IGSF22: variants seen among roughly 807,000 people sequenced by gnomAD.
The protein encoded by IGSF22 is immunoglobulin superfamily member 22, also known as immunoglobulin superfamily, member 22.
A neutral mutation model predicts 127.0 loss-of-function variants in IGSF22; 119 were observed. That is an observed-to-expected ratio of 0.94 (90% confidence interval 0.81 to 1.09). IGSF22 has a LOEUF of 1.09. Among genes scored for constraint, IGSF22 ranks in the 50% least tolerant of loss-of-function variants. IGSF22 has a pLI of 0.00. For missense variants in IGSF22, 1,518 were observed against 1,716.6 expected, an observed-to-expected ratio of 0.88 and a Z score of 2.04; for synonymous variants, 568 against 664.7, an observed-to-expected ratio of 0.85 and a Z score of 2.24.
At chr11:18,719,945 G>C (rs572742246) in intron 6 of IGSF22, 52 bp from the exon 7 acceptor site, 1 of 1,611,694 alleles carries the variant, frequency 6.2e-7, no homozygotes, top group South Asian at 1.1e-5. Context: ...CTCCAACCTT[G>C]AGAAACCCCT....
chr11:18,705,903 C>T lies in IGSF22; in HGVS notation c.3824G>A (p.Cys1275Tyr). 2 of 1,551,700 alleles carry T rather than the reference C, an allele frequency of 1.3e-6. No homozygotes were observed. The highest frequency in any genetic ancestry group is 1.7e-6 in the Non-Finnish European group (2 of 1,146,980). The change falls in exon 22 of 23, where the codon TGC becomes TAC. Residue 1275 changes from cysteine (C) to tyrosine (Y), a missense_variant. Cys to Tyr is a radical substitution (Grantham distance 194, BLOSUM62 -2). Around this residue, in one of 3 missense-constraint regions of IGSF22, gnomAD observed 4 missense variants for 18.8 expected, o/e 0.21. Coordinates refer to ENST00000513874, the MANE Select transcript of IGSF22 (RefSeq NM_173588.4). ...SGVCTLVIPTCTLKDSGDYSV... is the reference protein window; with the variant it reads ...SGVCTLVIPTYTLKDSGDYSV... ...GTAATCGCCGCTGTCCTTGAGCGTG[C>T]AGGTGGGGATGACGAGGGTGCACAC...
chr11:18,720,557 G>T (rs920764272), intron 4 of IGSF22, among the ~76,000 whole-genome samples: 1 of 152,194 alleles, frequency 6.6e-6, no homozygotes, highest in Non-Finnish European at 1.5e-5. Context: ...AGAAGGCAGG[G>T]CTTCCCCTGC....
At position 18,709,283 on chromosome 11, in the gene IGSF22, A is replaced by G. The variant is rs1848305542; in HGVS notation, c.2998+104T>C. ...CACAACAACTATGGATGACTTTTTC[A>G]TGATCCTAGCATCATCCAATTTTCC... is the stretch of plus-strand genomic sequence containing the variant. On this transcript the variant is annotated intron_variant, in intron 18 of 22. Transcript: ENST00000513874. The surrounding 1 kb of genome is among the most constrained non-coding windows in gnomAD (Gnocchi z 4.8). 3.2e-6 allele frequency: 4 copies of G among 1,247,012 alleles called. No homozygotes were observed. The highest frequency in any genetic ancestry group is 3.3e-6 in the Non-Finnish European group (3 of 898,230). The allele number at this position is 1,247,012 out of a possible 1,614,324, so 77.2% of individuals were successfully genotyped here.
intron 21 of IGSF22, 190 bp downstream of exon 21, chr11:18,706,724 T>C: frequency 1.9e-6 from 1 of 530,538 alleles, no homozygotes; most frequent in Non-Finnish European, 3.2e-6. Context: ...CCACCTCCAC[T>C]TTAGTCTCAC....
At chr11:18,715,346 G>T in intron 11 of IGSF22, 86 bp downstream of exon 11, 1 of 1,405,678 alleles carries the variant, frequency 7.1e-7, no homozygotes, top group Non-Finnish European at 9.8e-7. Context: ...GTTGGAGTTA[G>T]TGGGAGGGGG....
Position 18,714,500 on chromosome 11 carries a change from C to G in IGSF22, c.1656G>C (p.Glu552Asp). 1 of 1,614,182 alleles carries G rather than the reference C, an allele frequency of 6.2e-7. No homozygotes were observed. The highest frequency in any genetic ancestry group is 1.1e-5 in the South Asian group (1 of 91,080). Residue 552 changes from glutamate to aspartate, a missense_variant and splice_region_variant, in exon 12 of 23, where the codon GAG becomes GAC. Glu to Asp is a conservative substitution (Grantham distance 45). Coordinates refer to ENST00000513874, the MANE Select transcript of IGSF22 (RefSeq NM_173588.4). ...CCCTTCCCTGGCCTCTGCTTCAGAC[C>G]TCCTTGCCATCCTTCAGCCACACAC... The part of the protein sequence containing the change: ...VEGVWLKDGK[E>D]ITDLPGMQIV...
chr11:18,721,417 C>T (rs1848569321), intron 4 of IGSF22, 118 bp downstream of exon 4: 1 of 1,361,986 alleles, frequency 7.3e-7, no homozygotes, highest in Non-Finnish European at 1.0e-6. Context: ...CTGCTTTTCC[C>T]ACTGCCCGGC....
Position 18,718,687 on chromosome 11 carries a change from C to T in IGSF22, c.738G>A (p.Lys246=), listed in dbSNP as rs767006796. The change falls in exon 8 of 23, where the codon AAG becomes AAA. Residue 246 remains lysine, a synonymous_variant. Transcript: ENST00000513874. ...AGTCAAAGACCACTGTGGTGTCAACCTTGGTCTCTTTGTCTTCCAGGGGCT... is the reference window on the plus strand; with the variant it reads ...AGTCAAAGACCACTGTGGTGTCAACTTTGGTCTCTTTGTCTTCCAGGGGCT... The part of the protein sequence containing the change: ...ILKPLEDKET[K]VDTTVVFDCI... 1.9e-6 allele frequency: 3 copies of T among 1,613,438 alleles called. No individual in the cohort carries two copies. In the African/African-American group the frequency reaches 4.0e-5, roughly 22 times the overall value.
Position 18,706,013 on chromosome 11 carries a change from C to T in IGSF22, c.3714G>A (p.Gly1238=). Residue 1238 remains glycine, a synonymous_variant, in exon 22 of 23, where the codon GGG becomes GGA. Coordinates refer to ENST00000513874, the MANE Select transcript of IGSF22 (RefSeq NM_173588.4). ...AGAGGGTCACTGTGGGCCGCGGGTT[C>T]CCAAGGAAGGCGCAGGTCATGGTGC... ...QDCTMTCAFL[G]NPRPTVTLYK... 1 of 1,551,670 alleles carries T rather than the reference C, an allele frequency of 6.4e-7. No individual in the cohort carries two copies. The highest frequency in any genetic ancestry group is 8.7e-7 in the Non-Finnish European group (1 of 1,146,980).
intron 1 of IGSF22, 66 bp downstream of exon 1, chr11:18,726,008 T>G (rs1848646340): frequency 6.6e-6 from 1 of 152,392 alleles, no homozygotes; most frequent in African/African-American, 2.4e-5. Context: ...CTCTACCCTA[T>G]AGTCCCCTCT....
At position 18,719,880 on chromosome 11, in the gene IGSF22, G is replaced by A. The variant is rs566469505; in HGVS notation, c.532C>T (p.Pro178Ser). Residue 178 changes from proline (P) to serine (S), a missense_variant, in exon 7 of 23, where the codon CCC becomes TCC. By Grantham distance (74) the Pro-to-Ser change is moderately conservative. Coordinates refer to ENST00000513874, the MANE Select transcript of IGSF22 (RefSeq NM_173588.4). ...GCCACCTTCTTCTGCTTCTTCTTGG[G>A]AGCAGGGGGTGCCCTAGGAGAAGGA... is the stretch of plus-strand genomic sequence containing the variant. Reference protein sequence around the residue: ...KMLKKRAPPAPKKKQKKVANE... With the variant: ...KMLKKRAPPASKKKQKKVANE... The A allele has an allele frequency of 1.1e-5, 18 of 1,613,980 alleles. No individual in the cohort carries two copies. The highest frequency in any genetic ancestry group is 1.5e-5 in the Non-Finnish European group (18 of 1,180,036).
At chr11:18,717,675 G>A (rs1848487320) in intron 9 of IGSF22, among the ~76,000 whole-genome samples, 1 of 152,128 alleles carries the variant, frequency 6.6e-6, no homozygotes, top group South Asian at 2.1e-4. Flanking sequence ...TGGGATTACA[G>A]GTATGAGCCA....
chr11:18,714,721 G>T, intron 11 of IGSF22, 97 bp from the exon 12 acceptor site: 1 of 1,484,546 alleles, frequency 6.7e-7, no homozygotes, highest in Non-Finnish European at 9.1e-7. Context: ...GACTGGTCAG[G>T]GGTGCTGCGT....
Position 18,704,399 on chromosome 11 carries a change from G to A in IGSF22, c.*69C>T. ...GAGCAAACTGGGCTTCCTACACTGG[G>A]CCATGCAGAGGACAGGCCAAGAAAC... On this transcript the variant is annotated 3_prime_UTR_variant, in exon 23 of 23. Transcript: ENST00000513874. The A allele has an allele frequency of 2.0e-6, 2 of 1,017,084 alleles. No individual in the cohort carries two copies. Among genetic ancestry groups the A allele is most frequent in the South Asian group, 2.7e-5 (2 of 73,590 alleles). The allele number at this position is 1,017,084 out of a possible 1,614,324, so 63.0% of individuals were successfully genotyped here. A position where few individuals can be genotyped will look rare whatever the true frequency, so the allele number is the denominator to read the frequency against.
At chr11:18,721,821 T>A in intron 3 of IGSF22, 89 bp downstream of exon 3, 1 of 1,590,856 alleles carries the variant, frequency 6.3e-7, no homozygotes, top group Non-Finnish European at 8.6e-7. Flanking sequence ...GGGTTTAGCA[T>A]TGGAGGTCGT....
chr11:18,710,761 C>T lies in IGSF22; in HGVS notation c.2466G>A (p.Trp822Ter). The T allele has an allele frequency of 6.2e-7, 1 of 1,614,152 alleles. No individual in the cohort carries two copies. Among genetic ancestry groups the T allele is most frequent in the Non-Finnish European group, 8.5e-7 (1 of 1,179,990 alleles). ...CTCCCCCATCCTGGGTAGGGGCATT[C>T]CACGTGATGGTCACGGCTTCTTTAG... ...DVTKEAVTIT[W>*]NAPTQDGGAP... Residue 822 changes from tryptophan to a stop codon, truncating the protein, a stop_gained, in exon 16 of 23, where the codon TGG becomes TGA. Coordinates refer to ENST00000513874, the MANE Select transcript of IGSF22 (RefSeq NM_173588.4). LOFTEE classifies it high-confidence loss of function.
At chr11:18,707,515 T>G in intron 20 of IGSF22, 1 of 524,418 alleles carries the variant, frequency 1.9e-6, no homozygotes, top group Non-Finnish European at 3.3e-6. Context: ...ATGAATCCAT[T>G]CCTTCCTTGG....
chr11:18,714,714 T>G (rs1848428667), intron 11 of IGSF22, 90 bp from the exon 12 acceptor site: 1 of 1,503,454 alleles, frequency 6.7e-7, no homozygotes, highest in African/African-American at 1.4e-5. Context: ...GTCATGGGAC[T>G]GGTCAGGGGT....
chr11:18,705,569 A>T, intron 22 of IGSF22: 1 of 550,548 alleles, frequency 1.8e-6, no homozygotes, highest in African/African-American at 1.9e-5. Context: ...GTCTAGGCTC[A>T]CCAAGAGTTG....
Sources: allele counts gnomAD v4.1 joint callset (sites outside exome capture counted in the v4.1 genomes callset), GRCh38; gene constraint gnomAD v4.1.1; regional missense constraint gnomAD v4.1.1; non-coding constraint Gnocchi (gnomAD v3.1); transcripts MANE v1.5; gene names NCBI Gene and HGNC (gene_info 2026-07-23, HGNC 2026-07-21).